Variants in PADI2 observed in about 807,000 individuals in gnomAD.
PADI2 encodes peptidyl arginine deiminase 2, also known as protein-arginine deiminase type-2.
Under a neutral mutation model 81.1 loss-of-function variants are expected in PADI2, and 70 were observed. The observed-to-expected ratio is 0.86, with a 90% CI of 0.71 to 1.05. The LOEUF (loss-of-function observed/expected upper bound fraction) is 1.05, where lower values mean the gene tolerates loss of function less well. Ranked by LOEUF, PADI2 falls within the 50% of genes least tolerant of loss-of-function variation. The probability of loss-of-function intolerance (pLI) is 0.00; values close to 1 mark genes in which losing one functional copy is unlikely to be tolerated. For synonymous variants in PADI2, 338 were observed against 358.0 expected (o/e 0.94, Z 0.63); for missense variants, 853 against 889.9 (o/e 0.96, Z 0.53).
rs758811759 is a variant in PADI2, at chr1:17,074,812, G to C, written c.1549+44C>G. 3.2e-6 allele frequency: 4 copies of C among 1,268,144 alleles called. No individual in the cohort carries two copies. In the African/African-American group the frequency reaches 5.9e-5, roughly 19 times the overall value. 78.6% of individuals were successfully genotyped at this position (1,268,144 alleles called of 1,614,324 possible). ...CCACCCTCCCGAGGGTCTCTCTGGG[G>C]CCTCCAGCTCGCCACTTCCTGTCAA... On this transcript the variant is annotated intron_variant, in intron 13 of 15. Coordinates refer to ENST00000375486, the MANE Select transcript of PADI2 (RefSeq NM_007365.3).
Position 17,093,658 on chromosome 1 carries a change from G to A in PADI2, c.438C>T (p.Gly146=), listed in dbSNP as rs1260658938. The change falls in exon 5 of 16, where the codon GGC becomes GGT. Residue 146 remains glycine, a synonymous_variant. Coordinates refer to ENST00000375486, the MANE Select transcript of PADI2 (RefSeq NM_007365.3). ...AGTTCACCAGCAGGATGGCCCCCTG[G>A]CCCTCGGGGCCCCAGGTCCAGGATG... ...KKASWTWGPE[G]QGAILLVNCD... 1.2e-6 allele frequency: 2 copies of A among 1,613,752 alleles called. No individual in the cohort carries two copies. Among genetic ancestry groups the A allele is most frequent in the Non-Finnish European group, 1.7e-6 (2 of 1,179,724 alleles).
In PADI2 at chr1:17,084,696, G is replaced by T; in HGVS notation, c.841C>A (p.Pro281Thr). 2 of 1,553,648 alleles carry T rather than the reference G, an allele frequency of 1.3e-6. No homozygotes were observed. The highest frequency in any genetic ancestry group is 1.7e-6 in the Non-Finnish European group (2 of 1,147,580). ...SLLEYMAQDI[P>T]LTPIFTDTVI... Reference sequence around the variant, plus strand: ...GTGTCCGTGAAGATGGGAGTCAGGGGAATGTCCTGGGTGTGGGAGACAAGG... The same window carrying T: ...GTGTCCGTGAAGATGGGAGTCAGGGTAATGTCCTGGGTGTGGGAGACAAGG... Residue 281 changes from proline to threonine, a missense_variant, in exon 8 of 16, where the codon CCC (proline) becomes ACC (threonine). Pro to Thr is a conservative substitution (Grantham distance 38). Coordinates refer to ENST00000375486, the MANE Select transcript of PADI2 (RefSeq NM_007365.3).
At chr1:17,081,169 C>G (rs1217547519) in intron 10 of PADI2, among the ~76,000 whole-genome samples, 1 of 152,234 alleles carries the variant, frequency 6.6e-6, no homozygotes, top group African/African-American at 2.4e-5. Context: ...GTTGGTTTGA[C>G]TCTACTCATC....
intron 1 of PADI2, among the ~76,000 whole-genome samples, chr1:17,106,561 G>A (rs1931382064): frequency 6.6e-6 from 1 of 151,744 alleles, no homozygotes; most frequent in Non-Finnish European, 1.5e-5. Flanking sequence ...TCCTACCTCA[G>A]CCTTCTGAGT....
intron 1 of PADI2, among the ~76,000 whole-genome samples, chr1:17,112,383 G>T: frequency 6.6e-6 from 1 of 152,140 alleles, no homozygotes. Context: ...TGAAGCGCCT[G>T]CTCCTTGCTG....
At position 17,084,665 on chromosome 1, in the gene PADI2, A is replaced by G; in HGVS notation, c.872T>C (p.Ile291Thr). 1 of 1,569,394 alleles carries G rather than the reference A, an allele frequency of 6.4e-7. No individual in the cohort carries two copies. The highest frequency in any genetic ancestry group is 1.2e-5 in the South Asian group (1 of 85,096). The change falls in exon 8 of 16, where the codon ATA becomes ACA. Residue 291 changes from isoleucine to threonine, a missense_variant. Transcript: ENST00000375486. ...CATGATCCACGGAGCAATCCGGAAT[A>G]TCACGGTGTCCGTGAAGATGGGAGT... Reference protein sequence around the residue: ...PLTPIFTDTVIFRIAPWIMTP... With the variant: ...PLTPIFTDTVTFRIAPWIMTP...
chr1:17,071,642 C>A, intron 13 of PADI2, 151 bp from the exon 14 acceptor site: 1 of 637,080 alleles, frequency 1.6e-6, no homozygotes, highest in Non-Finnish European at 2.8e-6. Flanking sequence ...GAGGGCACTC[C>A]CAGGCAAAAT....
chr1:17,100,241 TTC>T (rs1365370805), intron 3 of PADI2, among the ~76,000 whole-genome samples: 5 of 152,192 alleles, frequency 3.3e-5, no homozygotes, highest in Admixed American at 3.3e-4. Context: ...TGGTGTTAGT[TTC>T]TTTTTGCAAT....
At position 17,093,595 on chromosome 1, in the gene PADI2, G is replaced by A. The variant is rs1464931378; in HGVS notation, c.501C>T (p.Cys167=). 2 of 1,612,990 alleles carry A rather than the reference G, an allele frequency of 1.2e-6. No individual in the cohort carries two copies. The highest frequency in any genetic ancestry group is 1.7e-6 in the Non-Finnish European group (2 of 1,179,004). The change falls in exon 5 of 16, where the codon TGC becomes TGT. Residue 167 remains cysteine, a synonymous_variant. Transcript: ENST00000375486. ...RETPWLPKED[C]RDEKVYSKED... is the part of the protein sequence containing the mutation. ...CCTTGCTGTAGACCTTCTCATCACG[G>A]CAGTCCTCCTTGGGCAACCAGGGTG...
chr1:17,104,456 A>C (rs1245995444), intron 2 of PADI2, among the ~76,000 whole-genome samples: 1 of 2,620 alleles, frequency 3.8e-4, no homozygotes, highest in Non-Finnish European at 7.4e-4. Context: ...TTTTTTTGAG[A>C]CGGAGTCTCG....
chr1:17,083,925 A>G, intron 8 of PADI2, 88 bp from the exon 9 acceptor site: 1 of 826,690 alleles, frequency 1.2e-6, no homozygotes. Flanking sequence ...AGCAGCTGGT[A>G]TCTCTGGGCT....
At position 17,105,074 on chromosome 1, in the gene PADI2, A is replaced by G. The variant is rs912665362; in HGVS notation, c.93-13T>C. On this transcript the variant is annotated splice_polypyrimidine_tract_variant and intron_variant, in intron 1 of 15. Coordinates refer to ENST00000375486, the MANE Select transcript of PADI2 (RefSeq NM_007365.3). The stretch of plus-strand genomic sequence containing the variant: ...GGCTGGGGCCGCGCTGTGGGGAGAG[A>G]TGAGAGAGGGTTAGGGAGAGCCCTG... 1 of 1,543,426 alleles carries G rather than the reference A, an allele frequency of 6.5e-7. No individual in the cohort carries two copies. The highest frequency in any genetic ancestry group is 8.8e-7 in the Non-Finnish European group (1 of 1,137,478).
chr1:17,116,564 A>G (rs1001348375), intron 1 of PADI2, among the ~76,000 whole-genome samples: 1 of 152,152 alleles, frequency 6.6e-6, no homozygotes, highest in Non-Finnish European at 1.5e-5. Flanking sequence ...GCTCGTGGCC[A>G]GGGTGGAAGA....
chr1:17,071,081 G>C (rs2078261526), intron 14 of PADI2, among the ~76,000 whole-genome samples: 1 of 152,166 alleles, frequency 6.6e-6, no homozygotes, highest in Non-Finnish European at 1.5e-5. Context: ...TGAGATTACA[G>C]GCATGAGACA....
At chr1:17,075,121 C>T (rs2078292248) in intron 12 of PADI2, 172 bp from the exon 13 acceptor site, 4 of 531,758 alleles carry the variant, frequency 7.5e-6, no homozygotes, top group African/African-American at 1.9e-5. Flanking sequence ...GAATATTTCT[C>T]ACCTTTCCTC....
At chr1:17,092,593 A>G (rs1458064275) in intron 5 of PADI2, 60 bp from the exon 6 acceptor site, 3 of 1,459,810 alleles carry the variant, frequency 2.1e-6, no homozygotes, top group Admixed American at 2.2e-5. Context: ...CAGCTTCCCA[A>G]TGCCTTTTAC....
chr1:17,084,453 C>T (rs914541721), intron 8 of PADI2, 146 bp downstream of exon 8: 17 of 577,428 alleles, frequency 2.9e-5, no homozygotes, highest in Admixed American at 1.7e-4. Context: ...AGTGACTCTA[C>T]GATGTGGGCA....
At position 17,086,529 on chromosome 1, in the gene PADI2, T is replaced by A. The variant is rs1325762477; in HGVS notation, c.826A>T (p.Met276Leu). 1 of 1,612,884 alleles carries A rather than the reference T, an allele frequency of 6.2e-7. No individual in the cohort carries two copies. Among genetic ancestry groups the A allele is most frequent in the Admixed American group, 1.7e-5 (1 of 59,956 alleles). The change falls in exon 7 of 16, where the codon ATG becomes TTG. Residue 276 changes from methionine to leucine, a missense_variant. Transcript: ENST00000375486. ...VSIHVSLLEY[M>L]AQDIPLTPIF... ...AGGCCTGGAGCCCTCACCTGGGCCATGTACTCCAGCAGGCTGACATGGATG... is the reference window on the plus strand; with the variant it reads ...AGGCCTGGAGCCCTCACCTGGGCCAAGTACTCCAGCAGGCTGACATGGATG...
chr1:17,118,091 G>T (rs1203426298), intron 1 of PADI2, among the ~76,000 whole-genome samples: 1 of 152,168 alleles, frequency 6.6e-6, no homozygotes, highest in Non-Finnish European at 1.5e-5. Context: ...CAGGAGACTG[G>T]TTGGGCAGGT....
Sources: gnomAD v4.1 joint callset for allele counts (sites outside exome capture counted in the v4.1 genomes callset) on GRCh38, gnomAD v4.1.1 for gene constraint, MANE v1.5 for transcripts, NCBI Gene and HGNC (gene_info 2026-07-23, HGNC 2026-07-21) for gene names.